ADCY8: variants seen among roughly 807,000 people sequenced by gnomAD.
ADCY8 encodes the protein adenylate cyclase 8.
In ADCY8, 51 loss-of-function variants were observed where a neutral mutation model predicts 119.7. That is an observed-to-expected ratio of 0.43 (90% CI 0.34 to 0.54). The LOEUF is 0.54. Among genes scored for constraint, ADCY8 ranks in the 20% least tolerant of loss-of-function variants. The pLI is 0.03. For missense variants in ADCY8, 1,383 were observed against 1,598.8 expected, an observed-to-expected ratio of 0.87 and a Z score of 2.30; for synonymous variants, 665 against 651.0, an observed-to-expected ratio of 1.02 and a Z score of -0.33.
chr8:130,924,793 C>T (rs966359704), intron 5 of ADCY8, among the ~76,000 whole-genome samples: 7 of 152,174 alleles, frequency 4.6e-5, no homozygotes, highest in Non-Finnish European at 8.8e-5. Flanking sequence ...ATGCTGCAGA[C>T]ATACTTAGTT....
chr8:130,830,955 G>C (rs1282261281), intron 12 of ADCY8, among the ~76,000 whole-genome samples: 1 of 152,188 alleles, frequency 6.6e-6, no homozygotes, highest in Non-Finnish European at 1.5e-5. Context: ...TGTGGAAATA[G>C]TATCTTCTGG....
chr8:130,868,284 A>G (rs1368527930), intron 8 of ADCY8, among the ~76,000 whole-genome samples: 1 of 152,234 alleles, frequency 6.6e-6, no homozygotes, highest in Non-Finnish European at 1.5e-5. Context: ...AACTTAAGTC[A>G]TTTAAGGATC....
At chr8:130,938,185 C>T (rs929796064) in intron 4 of ADCY8, among the ~76,000 whole-genome samples, 1 of 152,070 alleles carries the variant, frequency 6.6e-6, no homozygotes, top group Admixed American at 6.6e-5. Flanking sequence ...GGTAAACTAC[C>T]TAACCTCTGG....
At chr8:130,809,321 T>G (rs1203830611) in intron 14 of ADCY8, among the ~76,000 whole-genome samples, 1 of 152,196 alleles carries the variant, frequency 6.6e-6, no homozygotes, top group Non-Finnish European at 1.5e-5. Flanking sequence ...AGCCTCAGTT[T>G]CTTCATCTAG....
At chr8:130,893,778 TTG>T (rs1819283086) in intron 7 of ADCY8, among the ~76,000 whole-genome samples, 1 of 141,674 alleles carries the variant, frequency 7.1e-6, no homozygotes. Flanking sequence ...GTGTGTGTGT[TTG>T]TGGGTGTGCA....
intron 9 of ADCY8, among the ~76,000 whole-genome samples, chr8:130,856,827 C>CT (rs1262573212): frequency 5.2e-4 from 76 of 146,646 alleles, no homozygotes; most frequent in East Asian, 1.8e-3. Flanking sequence ...TTCTTGTCAT[C>CT]TTTTTTTTTT....
At chr8:130,783,555 A>G (rs1456533078) in intron 17 of ADCY8, 136 bp downstream of exon 17, 5 of 598,734 alleles carry the variant, frequency 8.4e-6, no homozygotes, top group East Asian at 2.9e-5. Context: ...CCTTGTCCCT[A>G]TCCTTGGCAG....
intron 5 of ADCY8, among the ~76,000 whole-genome samples, chr8:130,912,400 A>G (rs1820008591): frequency 6.6e-6 from 1 of 152,118 alleles, no homozygotes; most frequent in Non-Finnish European, 1.5e-5. Context: ...ATATATATCC[A>G]AGCTTTTTGG....
Position 131,039,598 on chromosome 8 carries a change from C to T in ADCY8, c.736G>A (p.Gly246Ser). Residue 246 changes from glycine to serine, a missense_variant, in exon 1 of 18, where the codon GGC becomes AGC. Physicochemically the swap from Gly to Ser is moderately conservative, Grantham distance 56 (BLOSUM62 0). This residue lies in a region of ADCY8 where 455 missense variants were observed against 435.3 expected (regional missense o/e 1.05). Transcript: ENST00000286355. ...TTSHTYLQYSGVVTWVAMTTQ... is the reference protein window; with the variant it reads ...TTSHTYLQYSSVVTWVAMTTQ... ...GTCATGGCCACCCAGGTGACCACGC[C>T]GCTGTACTGCAGGTACGTGTGGGAG... is the stretch of plus-strand genomic sequence containing the variant. The T allele has an allele frequency of 6.2e-7, 1 of 1,614,030 alleles. No individual in the cohort carries two copies. Among genetic ancestry groups the T allele is most frequent in the Non-Finnish European group, 8.5e-7 (1 of 1,180,024 alleles).
rs767267842 is a variant in ADCY8 at position 131,039,964 on chromosome 8, C to G, written c.370G>C (p.Gly124Arg). 6.3e-7 allele frequency: 1 copy of G among 1,586,548 alleles called. No homozygotes were observed. The highest frequency in any genetic ancestry group is 8.6e-7 in the Non-Finnish European group (1 of 1,167,230). ...GSGSASGSGGGGDLGFLHLDC... is the reference protein window; with the variant it reads ...GSGSASGSGGRGDLGFLHLDC... ...AGGTGCAGGAAGCCCAGGTCGCCCC[C>G]GCCTCCGCTGCCGCTGGCACTGCCG... Residue 124 changes from glycine to arginine, a missense_variant, in exon 1 of 18, where the codon GGG (glycine) becomes CGG (arginine). By Grantham distance (125) the Gly-to-Arg change is moderately radical. This residue lies in a region of ADCY8 where 455 missense variants were observed against 435.3 expected (regional missense o/e 1.05). Coordinates refer to ENST00000286355, the MANE Select transcript of ADCY8 (RefSeq NM_001115.3).
intron 1 of ADCY8, among the ~76,000 whole-genome samples, chr8:131,017,220 C>T (rs1586659099): frequency 6.6e-6 from 1 of 152,254 alleles, no homozygotes; most frequent in South Asian, 2.1e-4. Context: ...CAGGCATGTG[C>T]CACCACGCCC....
At chr8:130,888,121 C>T (rs1452239232) in intron 7 of ADCY8, among the ~76,000 whole-genome samples, 9 of 151,794 alleles carry the variant, frequency 5.9e-5, no homozygotes, top group Non-Finnish European at 1.2e-4. Flanking sequence ...TTCACATAAA[C>T]ACTCTAAACA....
At chr8:130,899,537 C>T (rs546572828) in intron 7 of ADCY8, among the ~76,000 whole-genome samples, 8 of 151,484 alleles carry the variant, frequency 5.3e-5, no homozygotes, top group African/African-American at 9.7e-5. Flanking sequence ...ACCCGGGAGG[C>T]GGAGGTTGCA....
intron 17 of ADCY8, among the ~76,000 whole-genome samples, chr8:130,781,268 G>A (rs1815071350): frequency 6.6e-6 from 1 of 152,162 alleles, no homozygotes; most frequent in Admixed American, 6.5e-5. Context: ...TCCTGCTTCT[G>A]CTGACACAGT....
chr8:130,921,793 A>G (rs186370224), intron 5 of ADCY8, among the ~76,000 whole-genome samples: 4 of 152,242 alleles, frequency 2.6e-5, no homozygotes, highest in Admixed American at 1.3e-4. Context: ...CAGAATTTAT[A>G]TAATCATTTC....
intron 7 of ADCY8, among the ~76,000 whole-genome samples, chr8:130,885,358 A>G (rs1297720076): frequency 6.6e-6 from 1 of 151,946 alleles, no homozygotes; most frequent in Non-Finnish European, 1.5e-5. Context: ...TTATATATCT[A>G]TATATTCATA....
At chr8:130,848,887 C>A (rs1223686316) in intron 10 of ADCY8, among the ~76,000 whole-genome samples, 1 of 152,130 alleles carries the variant, frequency 6.6e-6, no homozygotes, top group Non-Finnish European at 1.5e-5. Context: ...AATATCATGG[C>A]AGTTGGAAAT....
chr8:130,785,533 G>A, intron 15 of ADCY8, 58 bp from the exon 16 acceptor site: 2 of 1,379,732 alleles, frequency 1.4e-6, no homozygotes, highest in Non-Finnish European at 9.9e-7. Context: ...AGCAGCCTGG[G>A]CTCCTGAAAA....
intron 1 of ADCY8, among the ~76,000 whole-genome samples, chr8:131,001,637 T>C (rs1822952175): frequency 6.7e-6 from 1 of 148,750 alleles, no homozygotes; most frequent in Non-Finnish European, 1.5e-5. Flanking sequence ...ACATTATATA[T>C]ATATACTGTA....
Sources: gnomAD v4.1 joint callset for allele counts (sites outside exome capture counted in the v4.1 genomes callset) on GRCh38, gnomAD v4.1.1 for gene constraint, gnomAD v4.1.1 regional missense constraint, MANE v1.5 for transcripts, NCBI Gene and HGNC (gene_info 2026-07-23, HGNC 2026-07-21) for gene names.